NRXN3: variants seen among roughly 807,000 people sequenced by gnomAD.
NRXN3 encodes neurexin III.
A neutral mutation model predicts 137.6 loss-of-function variants in NRXN3; 32 were observed. The ratio of observed to expected loss-of-function variants is 0.23; its 90% CI spans 0.18 to 0.31. NRXN3 has a LOEUF of 0.31. Among genes scored for constraint, NRXN3 ranks in the 10% least tolerant of loss-of-function variants. The pLI is 1.00. For missense variants in NRXN3, 1,574 were observed against 2,062.5 expected, an observed-to-expected ratio of 0.76 and a Z score of 4.59; for synonymous variants, 798 against 784.5, an observed-to-expected ratio of 1.02 and a Z score of -0.29.
At chr14:79,804,695 G>T (rs2099196626) in intron 19 of NRXN3, among the ~76,000 whole-genome samples, 1 of 152,112 alleles carries the variant, frequency 6.6e-6, no homozygotes. Context: ...ACACCATAAG[G>T]ATTGAAACTC....
intron 15 of NRXN3, among the ~76,000 whole-genome samples, chr14:79,027,111 A>G (rs2099599923): frequency 1.3e-5 from 2 of 150,304 alleles, no homozygotes; most frequent in African/African-American, 4.9e-5. Flanking sequence ...TTGTTGGCAC[A>G]GAAGCCTATA....
chr14:78,237,372 T>C (rs1727160288), intron 1 of NRXN3, among the ~76,000 whole-genome samples: 1 of 152,256 alleles, frequency 6.6e-6, no homozygotes, highest in Admixed American at 6.5e-5. Flanking sequence ...TAGGTCTGGC[T>C]AGATCTAGGT....
intron 15 of NRXN3, among the ~76,000 whole-genome samples, chr14:79,243,331 G>C (rs1410217217): frequency 1.3e-5 from 2 of 152,136 alleles, no homozygotes. Context: ...TAAGCAACTG[G>C]CTCAGCTAGA....
At chr14:78,639,447 C>G (rs1341570573) in intron 4 of NRXN3, among the ~76,000 whole-genome samples, 1 of 152,184 alleles carries the variant, frequency 6.6e-6, no homozygotes, top group Non-Finnish European at 1.5e-5. Flanking sequence ...TTTTAACGGG[C>G]TCTTCTAAGT....
chr14:78,243,873 C>A lies in NRXN3; in HGVS notation c.709+71C>A. Reference sequence around the variant, plus strand: ...CTGAGGCTGGGGCTCCTGATACAAACCAGTTCTATATGGATGCATATCTTT... The same window carrying A: ...CTGAGGCTGGGGCTCCTGATACAAAACAGTTCTATATGGATGCATATCTTT... On this transcript the variant is annotated intron_variant, in intron 2 of 20. Coordinates refer to ENST00000335750, the MANE Select transcript of NRXN3 (RefSeq NM_001330195.2). This position sits in a 1 kb window ranked among gnomAD's most constrained non-coding sequence, Gnocchi z 4.2. 8.6e-7 allele frequency: 1 copy of A among 1,159,404 alleles called. No homozygotes were observed. The highest frequency in any genetic ancestry group is 1.2e-6 in the Non-Finnish European group (1 of 819,364). The allele number at this position is 1,159,404 out of a possible 1,614,324, so 71.8% of individuals were successfully genotyped here.
chr14:79,026,972 A>AAAAC (rs1405563994), intron 15 of NRXN3, among the ~76,000 whole-genome samples: 1 of 1,762 alleles, frequency 5.7e-4, no homozygotes, highest in African/African-American at 1.1e-3. Context: ...ATATATATAT[A>AAAAC]TATATATATA....
chr14:78,936,242 C>T (rs548463374), intron 10 of NRXN3, among the ~76,000 whole-genome samples: 6 of 152,288 alleles, frequency 3.9e-5, no homozygotes, highest in Non-Finnish European at 7.3e-5. Context: ...CCTTCAATTA[C>T]CTCTGCTGGA....
At chr14:78,660,364 A>G (rs1026831911) in intron 6 of NRXN3, among the ~76,000 whole-genome samples, 6 of 151,688 alleles carry the variant, frequency 4.0e-5, no homozygotes, top group African/African-American at 1.5e-4. Context: ...ATTCAGTGGC[A>G]CCTGCTCCAC....
intron 3 of NRXN3, among the ~76,000 whole-genome samples, chr14:78,295,878 T>C (rs536740015): frequency 2.2e-4 from 33 of 152,254 alleles, no homozygotes; most frequent in Non-Finnish European, 3.7e-4. Context: ...ATTTAAAAAA[T>C]ATTCACGTGG....
chr14:78,866,218 T>A (rs1596655188), intron 10 of NRXN3, among the ~76,000 whole-genome samples: 1 of 152,124 alleles, frequency 6.6e-6, no homozygotes, highest in Admixed American at 6.6e-5. Flanking sequence ...AAAGGGAAGG[T>A]GTTCTGGGGA....
intron 20 of NRXN3, among the ~76,000 whole-genome samples, chr14:79,855,631 C>A (rs1474444229): frequency 6.6e-6 from 1 of 151,486 alleles, no homozygotes; most frequent in African/African-American, 2.4e-5. Context: ...TTTAAAATAG[C>A]CTCAATATAT....
chr14:79,538,861 G>T (rs1014044475), intron 16 of NRXN3, among the ~76,000 whole-genome samples: 1 of 152,138 alleles, frequency 6.6e-6, no homozygotes, highest in African/African-American at 2.4e-5. Context: ...GAATTCCTCT[G>T]TCAATGCTTA....
At chr14:79,140,115 T>A (rs1233068324) in intron 15 of NRXN3, among the ~76,000 whole-genome samples, 1 of 152,110 alleles carries the variant, frequency 6.6e-6, no homozygotes, top group African/African-American at 2.4e-5. Context: ...TGTTTCATTA[T>A]CTATTAATTT....
chr14:78,765,098 A>G (rs2098704701), intron 8 of NRXN3, among the ~76,000 whole-genome samples: 1 of 152,192 alleles, frequency 6.6e-6, no homozygotes, highest in Non-Finnish European at 1.5e-5. Context: ...AAGAGAGCAC[A>G]GAAAATTTTA....
At chr14:79,780,454 AC>A (rs1458877395) in intron 19 of NRXN3, among the ~76,000 whole-genome samples, 1 of 151,242 alleles carries the variant, frequency 6.6e-6, no homozygotes, top group African/African-American at 2.4e-5. Context: ...CAAAAAAAAA[AC>A]AAAATTAGCC....
At chr14:78,365,331 G>T (rs1256843109) in intron 4 of NRXN3, among the ~76,000 whole-genome samples, 2 of 152,024 alleles carry the variant, frequency 1.3e-5, no homozygotes, top group Non-Finnish European at 2.9e-5. Context: ...CAAAACAAAG[G>T]TTTATTTGTT....
intron 15 of NRXN3, among the ~76,000 whole-genome samples, chr14:79,248,032 G>A (rs929503859): frequency 5.9e-5 from 9 of 152,234 alleles, no homozygotes; most frequent in Non-Finnish European, 7.3e-5. Flanking sequence ...GCACCAGTAC[G>A]ATCATAGTTC....
intron 15 of NRXN3, chr14:79,298,885 G>T (rs1158815746): frequency 2.0e-5 from 3 of 152,184 alleles, no homozygotes; most frequent in African/African-American, 4.8e-5. Context: ...AAGTGAGGAT[G>T]CTGCTTAAAT....
intron 19 of NRXN3, among the ~76,000 whole-genome samples, chr14:79,743,417 G>C (rs1490473935): frequency 6.6e-6 from 1 of 152,166 alleles, no homozygotes; most frequent in Non-Finnish European, 1.5e-5. Flanking sequence ...GGATTTAGAA[G>C]CTGGAGGGGA....
Sources: gnomAD v4.1 joint callset for allele counts (sites outside exome capture counted in the v4.1 genomes callset) on GRCh38, gnomAD v4.1.1 for gene constraint, Gnocchi (gnomAD v3.1) non-coding constraint, MANE v1.5 for transcripts, NCBI Gene and HGNC (gene_info 2026-07-23, HGNC 2026-07-21) for gene names.